Variants in SOX5 observed in about 807,000 individuals in gnomAD.
SOX5 encodes SRY-box transcription factor 5, also known as transcription factor SOX-5.
A neutral mutation model predicts 92.0 loss-of-function variants in SOX5; 9 were observed. The observed-to-expected ratio is 0.10, with a 90% CI of 0.06 to 0.17. The LOEUF is 0.17. SOX5 is among the 10% of genes least tolerant of loss of function. The probability of loss-of-function intolerance (pLI) is 1.00; values close to 1 mark genes in which losing one functional copy is unlikely to be tolerated. For synonymous variants in SOX5, 344 were observed against 336.3 expected, an observed-to-expected ratio of 1.02 and a Z score of -0.25; for missense variants, 642 against 944.5, an observed-to-expected ratio of 0.68 and a Z score of 4.20.
intron 2 of SOX5, among the ~76,000 whole-genome samples, chr12:24,300,308 T>A (rs1396949083): frequency 1.3e-5 from 2 of 152,194 alleles, no homozygotes; most frequent in Non-Finnish European, 2.9e-5. Context: ...TTCAGCTATA[T>A]CTGCATTAAC....
intron 2 of SOX5, among the ~76,000 whole-genome samples, chr12:24,289,186 C>A (rs1487085024): frequency 1.3e-5 from 2 of 151,680 alleles, no homozygotes; most frequent in Admixed American, 1.3e-4. Flanking sequence ...GACTCTGAGG[C>A]AGGAGGATCA....
intron 2 of SOX5, among the ~76,000 whole-genome samples, chr12:24,350,655 T>C (rs1035673175): frequency 5.9e-5 from 9 of 152,328 alleles, no homozygotes; most frequent in African/African-American, 2.2e-4. Context: ...GGTCAGCTTT[T>C]AACCTTAGCT....
At chr12:23,888,138 T>C (rs2097091027) in intron 2 of SOX5, among the ~76,000 whole-genome samples, 1 of 152,188 alleles carries the variant, frequency 6.6e-6, no homozygotes, top group African/African-American at 2.4e-5. Context: ...AAAAACTACA[T>C]GAGGGAAGAG....
At chr12:23,633,581 G>A (rs2078835183) in intron 8 of SOX5, among the ~76,000 whole-genome samples, 1 of 151,842 alleles carries the variant, frequency 6.6e-6, no homozygotes, top group Admixed American at 6.6e-5. Flanking sequence ...ATTGGCTCTT[G>A]GAGGTAAAAA....
intron 4 of SOX5, among the ~76,000 whole-genome samples, chr12:23,999,611 T>G (rs1951399246): frequency 6.6e-6 from 1 of 152,034 alleles, no homozygotes; most frequent in African/African-American, 2.4e-5. Flanking sequence ...CAGTAAAGCT[T>G]AACAACAATT....
At chr12:23,950,933 C>T (rs1449143353), upstream of SOX5, 4 of 1,478,568 alleles carry the variant, frequency 2.7e-6, no homozygotes, top group East Asian at 7.4e-5. Flanking sequence ...GGAGTAAGCA[C>T]ACACTTACCA....
chr12:24,470,738 C>T (rs564381349), intron 1 of SOX5, among the ~76,000 whole-genome samples: 1 of 152,302 alleles, frequency 6.6e-6, no homozygotes, highest in East Asian at 1.9e-4. Flanking sequence ...TCAAATCTCA[C>T]TCCCATTATT....
At chr12:23,867,702 C>G (rs2096829528) in intron 2 of SOX5, among the ~76,000 whole-genome samples, 1 of 151,646 alleles carries the variant, frequency 6.6e-6, no homozygotes. Flanking sequence ...TGGATCTATC[C>G]CCATAGAAAA....
chr12:24,296,200 C>G (rs184052737), intron 2 of SOX5, among the ~76,000 whole-genome samples: 2 of 152,188 alleles, frequency 1.3e-5, no homozygotes, highest in African/African-American at 2.4e-5. Context: ...TCTCTTTATA[C>G]GCTGGTTTTA....
chr12:23,719,788 CAAAAAAAAAAA>C lies in SOX5; in HGVS notation c.810+14885_810+14895del, dbSNP rs33914230. Among the ~76,000 whole-genome samples, 389 of 64,160 alleles carry C rather than the reference CAAAAAAAAAAA, an allele frequency of 6.1e-3. 3 individuals are homozygous for C. The highest frequency in any genetic ancestry group is 8.3e-3 in the Non-Finnish European group (300 of 36,336). The allele number at this position is 64,160 out of a possible 152,430, so 42.1% of individuals were successfully genotyped here. ...TTCAAAAAAAACCCCAGCTATTTACCAAAAAAAAAAAAAAAAAAAAAAACTGATGGATAGTT... is the reference window on the plus strand; with the variant it reads ...TTCAAAAAAAACCCCAGCTATTTACCAAAAAAAAAAAACTGATGGATAGTT... On this transcript the variant is annotated intron_variant, in intron 6 of 14. Transcript: ENST00000451604.
At chr12:23,881,644 A>G (rs1167698668) in intron 2 of SOX5, among the ~76,000 whole-genome samples, 2 of 152,232 alleles carry the variant, frequency 1.3e-5, no homozygotes, top group African/African-American at 4.8e-5. Flanking sequence ...GATAGTTTTC[A>G]AAGCTTCTCT....
intron 4 of SOX5, among the ~76,000 whole-genome samples, chr12:24,078,765 T>G (rs1032021209): frequency 9.2e-5 from 14 of 152,082 alleles, no homozygotes; most frequent in Non-Finnish European, 2.1e-4. Context: ...ATATTCAATG[T>G]GTTAATTTCC....
chr12:24,538,699 A>G (rs556264318), intron 1 of SOX5, among the ~76,000 whole-genome samples: 51 of 152,166 alleles, frequency 3.4e-4, no homozygotes, highest in Non-Finnish European at 6.8e-4. Flanking sequence ...TTTAAGAAAC[A>G]AAGTTTTCCA....
rs371125600 is a variant in SOX5 at position 24,085,807 on chromosome 12, G to A, written c.-2+127536C>T. Among the ~76,000 whole-genome samples, 44 of 151,926 alleles carry A rather than the reference G, an allele frequency of 2.9e-4. No homozygotes were observed. In the East Asian group the frequency reaches 8.1e-3, roughly 28 times the overall value. ...GACAAAGAAGAAAAACTAATATTAA[G>A]TTTGGGTAAAGAAATTAACTGTGAA... On this transcript the variant is annotated intron_variant, in intron 4 of 4. Transcript: ENST00000446891.
intron 2 of SOX5, chr12:24,357,221 T>A (rs1213327149): frequency 6.6e-6 from 1 of 152,162 alleles, no homozygotes; most frequent in Non-Finnish European, 1.5e-5. Flanking sequence ...GCCATTAACA[T>A]GAAGGAGGAG....
chr12:23,932,857 A>G (rs1050699917), intron 1 of SOX5, among the ~76,000 whole-genome samples: 3 of 151,656 alleles, frequency 2.0e-5, no homozygotes, highest in African/African-American at 7.3e-5. Flanking sequence ...AAGTTCTAGA[A>G]TAATTATGCC....
intron 4 of SOX5, among the ~76,000 whole-genome samples, chr12:24,171,441 T>G (rs554750730): frequency 1.3e-5 from 2 of 151,960 alleles, no homozygotes; most frequent in Non-Finnish European, 2.9e-5. Context: ...GCCAGGATGG[T>G]CTCGATCTCC....
intron 3 of SOX5, among the ~76,000 whole-genome samples, chr12:23,811,285 A>T (rs2095871242): frequency 6.6e-6 from 1 of 152,144 alleles, no homozygotes; most frequent in Admixed American, 6.5e-5. Flanking sequence ...CACAGATTGA[A>T]AACCATACCA....
At chr12:24,367,353 T>A (rs988689277) in intron 2 of SOX5, among the ~76,000 whole-genome samples, 1 of 152,200 alleles carries the variant, frequency 6.6e-6, no homozygotes, top group Non-Finnish European at 1.5e-5. Flanking sequence ...TTGCATGTTG[T>A]CCTACCACTT....
Sources: allele counts gnomAD v4.1 joint callset (sites outside exome capture counted in the v4.1 genomes callset), GRCh38; gene constraint gnomAD v4.1.1; transcripts MANE v1.5; gene names NCBI Gene and HGNC (gene_info 2026-07-23, HGNC 2026-07-21).